Variants in KCNIP4 observed in about 807,000 individuals in gnomAD.
The protein encoded by KCNIP4 is potassium voltage-gated channel interacting protein 4.
A neutral mutation model predicts 34.0 loss-of-function variants in KCNIP4; 12 were observed. The observed-to-expected ratio is 0.35, with a 90% confidence interval of 0.23 to 0.57. KCNIP4 has a LOEUF of 0.57. Ranked by LOEUF, KCNIP4 falls within the 20% of genes least tolerant of loss-of-function variation. The probability of loss-of-function intolerance (pLI) is 0.83; values close to 1 mark genes in which losing one functional copy is unlikely to be tolerated. For missense variants in KCNIP4, 238 were observed against 311.7 expected (o/e 0.76, Z 1.78); for synonymous variants, 124 against 102.2 (o/e 1.21, Z -1.29).
At chr4:21,656,565 AG>A (rs1235506065) in intron 1 of KCNIP4, 2 of 152,220 alleles carry the variant, frequency 1.3e-5, no homozygotes, top group Non-Finnish European at 2.9e-5. Context: ...CAGGCAAAAT[AG>A]GTATACAGCC....
chr4:20,890,168 C>T, intron 1 of KCNIP4, among the ~76,000 whole-genome samples: 1 of 152,144 alleles, frequency 6.6e-6, no homozygotes, highest in East Asian at 1.9e-4. Flanking sequence ...GGAACTGTCT[C>T]AGATGCTGGC....
intron 1 of KCNIP4, among the ~76,000 whole-genome samples, chr4:20,960,057 A>C (rs1399786784): frequency 1.3e-5 from 2 of 152,210 alleles, no homozygotes; most frequent in African/African-American, 2.4e-5. Context: ...AAATAAGAAA[A>C]GTTCCATAAC....
chr4:21,183,437 A>G (rs938487968), intron 1 of KCNIP4, among the ~76,000 whole-genome samples: 1 of 146,560 alleles, frequency 6.8e-6, no homozygotes, highest in Admixed American at 6.8e-5. Context: ...GAGGAACTTT[A>G]TGCAGTTTTC....
At position 21,645,651 on chromosome 4, in the gene KCNIP4, A is replaced by C. The variant is rs191368690; in HGVS notation, c.61+302920T>G. On this transcript the variant is annotated intron_variant, in intron 1 of 8. Transcript: ENST00000382152. ...GACAGTTCCCAGTCTAAGACCTCAT[A>C]TCTGCCTATCTCTGTGCTGTCCTTG... Among the ~76,000 whole-genome samples, 10 of 152,192 alleles carry C rather than the reference A, an allele frequency of 6.6e-5. No homozygotes were observed. The East Asian group carries it at 1.7e-3, about 27-fold the overall frequency.
chr4:21,462,201 C>T (rs1729519054), intron 1 of KCNIP4, among the ~76,000 whole-genome samples: 1 of 152,084 alleles, frequency 6.6e-6, no homozygotes, highest in African/African-American at 2.4e-5. Context: ...ATTCCCCTTC[C>T]CCCATGTATT....
At chr4:21,343,362 G>A (rs556411328) in intron 1 of KCNIP4, among the ~76,000 whole-genome samples, 1 of 152,176 alleles carries the variant, frequency 6.6e-6, no homozygotes, top group South Asian at 2.1e-4. Flanking sequence ...ATAAGAAAAA[G>A]TGAGGAGAGA....
At chr4:21,049,318 A>G (rs544023768) in intron 1 of KCNIP4, among the ~76,000 whole-genome samples, 1 of 152,180 alleles carries the variant, frequency 6.6e-6, no homozygotes, top group African/African-American at 2.4e-5. Flanking sequence ...TTACCCTCCA[A>G]ATCCTTGACC....
At chr4:21,683,040 C>T (rs1167932221) in intron 1 of KCNIP4, among the ~76,000 whole-genome samples, 1 of 152,162 alleles carries the variant, frequency 6.6e-6, no homozygotes, top group Non-Finnish European at 1.5e-5. Context: ...CATGAAACTT[C>T]AATTTGTAAA....
intron 1 of KCNIP4, among the ~76,000 whole-genome samples, chr4:21,425,897 A>G (rs1168216336): frequency 6.6e-6 from 1 of 150,776 alleles, no homozygotes; most frequent in Non-Finnish European, 1.5e-5. Context: ...AGAAAAAAAT[A>G]CAAAAAATTA....
intron 1 of KCNIP4, among the ~76,000 whole-genome samples, chr4:21,824,492 C>T (rs1368663460): frequency 4.6e-5 from 7 of 152,126 alleles, no homozygotes; most frequent in Admixed American, 1.3e-4. Flanking sequence ...GACCAGTAAT[C>T]TGGCTCAACC....
intron 1 of KCNIP4, among the ~76,000 whole-genome samples, chr4:21,838,411 G>A (rs1488301223): frequency 1.3e-5 from 2 of 152,104 alleles, no homozygotes; most frequent in Non-Finnish European, 2.9e-5. Flanking sequence ...AGCTCACATG[G>A]GGCTTTATTA....
rs1735045408 is a variant in KCNIP4 at position 21,519,221 on chromosome 4, G to A, written c.61+429350C>T. Among the ~76,000 whole-genome samples the A allele has an allele frequency of 2.0e-5, 3 of 151,874 alleles. No individual in the cohort carries two copies. The South Asian group carries it at 6.2e-4, about 32-fold the overall frequency. On this transcript the variant is annotated intron_variant, in intron 1 of 8. Coordinates refer to ENST00000382152, the MANE Select transcript of KCNIP4 (RefSeq NM_025221.6). ...AATGCCCTTATAAAAGAGGTCCCAG[G>A]GAACTTTGTTGCTCTTTCACCCATG...
Position 21,757,099 on chromosome 4 carries a change from AAAAGAAAGAAAG to A in KCNIP4, c.61+191460_61+191471del, listed in dbSNP as rs1240357604. 2.6e-4 allele frequency among the ~76,000 whole-genome samples: 29 copies of A among 109,906 alleles called. 1 individual carries two copies. Among genetic ancestry groups the A allele is most frequent in the Admixed American group, 2.6e-3 (21 of 8,150 alleles). 72.1% of individuals were successfully genotyped at this position (109,906 alleles called of 152,430 possible). A position where few individuals can be genotyped will look rare whatever the true frequency, so the allele number is the denominator to read the frequency against. ...CTGAGCAACAGAGTCCTGTCTCAAA[AAAAGAAAGAAAG>A]AAAGAAAGAAAGAAAGAAAGAAAGA... On this transcript the variant is annotated intron_variant, in intron 1 of 8. Coordinates refer to ENST00000382152, the MANE Select transcript of KCNIP4 (RefSeq NM_025221.6).
chr4:21,543,726 T>A, intron 1 of KCNIP4, among the ~76,000 whole-genome samples: 1 of 152,156 alleles, frequency 6.6e-6, no homozygotes, highest in East Asian at 1.9e-4. Context: ...GATTACAGAT[T>A]AGCCTTTTCC....
intron 1 of KCNIP4, among the ~76,000 whole-genome samples, chr4:21,637,791 A>C (rs1746320496): frequency 6.6e-6 from 1 of 151,590 alleles, no homozygotes; most frequent in Non-Finnish European, 1.5e-5. Context: ...CTCAAAAAAA[A>C]AAAAAAAAAA....
At chr4:20,887,013 C>T (rs541117578) in intron 1 of KCNIP4, among the ~76,000 whole-genome samples, 10 of 151,686 alleles carry the variant, frequency 6.6e-5, no homozygotes, top group Admixed American at 1.3e-4. Flanking sequence ...TAAGAAATGA[C>T]GTTAAAGATA....
At chr4:21,817,651 G>T (rs936004498) in intron 1 of KCNIP4, among the ~76,000 whole-genome samples, 1 of 152,026 alleles carries the variant, frequency 6.6e-6, no homozygotes, top group African/African-American at 2.4e-5. Context: ...CCTTGCGGGA[G>T]GTCTATAAAC....
At chr4:21,409,003 T>C (rs1724240416) in intron 1 of KCNIP4, among the ~76,000 whole-genome samples, 1 of 152,188 alleles carries the variant, frequency 6.6e-6, no homozygotes, top group Admixed American at 6.5e-5. Flanking sequence ...ATGTGGCCAA[T>C]GAGACTGAGA....
chr4:21,166,988 A>ATAAGCAAAC (rs1272320841), intron 1 of KCNIP4, among the ~76,000 whole-genome samples: 1 of 149,832 alleles, frequency 6.7e-6, no homozygotes, highest in Non-Finnish European at 1.5e-5. Flanking sequence ...GGATGGATGG[A>ATAAGCAAAC]TAAGCAAACT....
Sources: allele counts gnomAD v4.1 joint callset (sites outside exome capture counted in the v4.1 genomes callset), GRCh38; gene constraint gnomAD v4.1.1; transcripts MANE v1.5; gene names NCBI Gene and HGNC (gene_info 2026-07-23, HGNC 2026-07-21).